KATNAL2: variants seen among roughly 807,000 people sequenced by gnomAD.
The protein encoded by KATNAL2 is katanin p60 ATPase-containing subunit A-like 2.
In KATNAL2, 52 loss-of-function variants were observed where a neutral mutation model predicts 76.3. That is an observed-to-expected ratio of 0.68 (90% CI 0.55 to 0.86). The LOEUF is 0.86. KATNAL2 is among the 40% of genes least tolerant of loss of function. The pLI, the probability that KATNAL2 is intolerant of heterozygous loss-of-function variation, is 0.00. For missense variants in KATNAL2, 660 were observed against 668.9 expected (o/e 0.99, Z 0.15); for synonymous variants, 243 against 244.2 (o/e 1.00, Z 0.05).
At chr18:47,052,774 T>A (rs913933756) in intron 4 of KATNAL2, 106 bp from the exon 5 acceptor site, 23 of 846,074 alleles carry the variant, frequency 2.7e-5, no homozygotes, top group Non-Finnish European at 3.5e-5. Flanking sequence ...ATGTGCTATA[T>A]ATAGGCTTAC....
At chr18:46,961,339 C>T (rs2059942377) in intron 3 of KATNAL2, among the ~76,000 whole-genome samples, 1 of 152,168 alleles carries the variant, frequency 6.6e-6, no homozygotes, top group Non-Finnish European at 1.5e-5. Context: ...CCTCATTTCC[C>T]CTGTAGAGAA....
chr18:46,920,235 G>C, intron 1 of KATNAL2: 1 of 457,370 alleles, frequency 2.2e-6, no homozygotes, highest in South Asian at 1.6e-5. Context: ...ATCACAACTG[G>C]GCATATAAAT....
intron 1 of KATNAL2, among the ~76,000 whole-genome samples, chr18:46,931,365 A>G (rs1285618282): frequency 6.6e-6 from 1 of 151,886 alleles, no homozygotes; most frequent in East Asian, 1.9e-4. Flanking sequence ...TTCAAAATTT[A>G]AAAAGGCAGG....
intron 1 of KATNAL2, among the ~76,000 whole-genome samples, chr18:46,920,847 G>A (rs2058498554): frequency 6.6e-6 from 1 of 152,110 alleles, no homozygotes; most frequent in Non-Finnish European, 1.5e-5. Context: ...AAGGGGAGTG[G>A]AGAAGGAGGG....
intron 3 of KATNAL2, among the ~76,000 whole-genome samples, chr18:46,954,033 G>A (rs2059647760): frequency 1.3e-5 from 2 of 152,042 alleles, no homozygotes. Flanking sequence ...AGCAGGGAAT[G>A]GAAGGTGGGG....
At chr18:47,041,540 C>A (rs1202775453) in intron 3 of KATNAL2, among the ~76,000 whole-genome samples, 1 of 152,150 alleles carries the variant, frequency 6.6e-6, no homozygotes, top group African/African-American at 2.4e-5. Context: ...TAGCTCATTT[C>A]TTTTAGCTCT....
chr18:46,956,366 G>C (rs920906456), intron 3 of KATNAL2, among the ~76,000 whole-genome samples: 4 of 152,092 alleles, frequency 2.6e-5, no homozygotes, highest in African/African-American at 4.8e-5. Context: ...TTTTAGAAAG[G>C]CCATTTTCTC....
intron 6 of KATNAL2, among the ~76,000 whole-genome samples, chr18:47,056,237 C>T (rs1424722881): frequency 6.6e-6 from 1 of 152,208 alleles, no homozygotes; most frequent in East Asian, 1.9e-4. Context: ...ACAAGAGTTA[C>T]AACAAATAGC....
intron 15 of KATNAL2, among the ~76,000 whole-genome samples, chr18:47,097,489 T>C (rs1027284742): frequency 6.6e-5 from 10 of 152,284 alleles, no homozygotes; most frequent in African/African-American, 2.2e-4. Flanking sequence ...CTTTTAGAAC[T>C]TCCCTCTTAG....
chr18:47,050,747 A>G (rs1286670112), intron 4 of KATNAL2, among the ~76,000 whole-genome samples: 1 of 152,242 alleles, frequency 6.6e-6, no homozygotes, highest in Admixed American at 6.5e-5. Context: ...AAGTTCTACA[A>G]ATTCAGCAGA....
intron 11 of KATNAL2, among the ~76,000 whole-genome samples, 167 bp from the exon 12 acceptor site, chr18:47,069,053 T>C (rs140201202): frequency 1.3e-5 from 2 of 152,136 alleles, no homozygotes; most frequent in Non-Finnish European, 2.9e-5. Flanking sequence ...TTGGGATGAA[T>C]AAGATCTGTT....
At chr18:47,075,952 TTC>T (rs2062198667) in intron 14 of KATNAL2, among the ~76,000 whole-genome samples, 1 of 152,236 alleles carries the variant, frequency 6.6e-6, no homozygotes, top group African/African-American at 2.4e-5. Context: ...GTAATAAGCC[TTC>T]TGTTTGTGCT....
intron 3 of KATNAL2, among the ~76,000 whole-genome samples, chr18:47,039,783 G>A (rs920305395): frequency 4.6e-5 from 7 of 152,160 alleles, no homozygotes; most frequent in Non-Finnish European, 5.9e-5. Flanking sequence ...ATGCATGTAC[G>A]AAGCAACTAA....
Position 47,059,715 on chromosome 18 carries a change from A to G in KATNAL2, c.549+61A>G, listed in dbSNP as rs1290226707. 5 of 1,144,752 alleles carry G rather than the reference A, an allele frequency of 4.4e-6. No homozygotes were observed. In the Admixed American group the frequency reaches 8.9e-5, roughly 20 times the overall value. The allele number at this position is 1,144,752 out of a possible 1,614,324, so 70.9% of individuals were successfully genotyped here. Reference sequence around the variant, plus strand: ...TAATTTCTTTTTCCTTTTAAACATGAAAACAAAAAACATTATTTTTGTCAA... The same window carrying G: ...TAATTTCTTTTTCCTTTTAAACATGGAAACAAAAAACATTATTTTTGTCAA... On this transcript the variant is annotated intron_variant, in intron 8 of 17. Coordinates refer to ENST00000683218, the MANE Select transcript of KATNAL2 (RefSeq NM_001387690.1).
intron 4 of KATNAL2, among the ~76,000 whole-genome samples, chr18:47,049,035 C>T (rs1159608267): frequency 6.6e-6 from 1 of 152,004 alleles, no homozygotes; most frequent in African/African-American, 2.4e-5. Flanking sequence ...CGGGGTTTCA[C>T]CGTGGTCTCG....
chr18:46,946,775 A>G, intron 2 of KATNAL2, 79 bp from the exon 3 acceptor site: 1 of 1,322,004 alleles, frequency 7.6e-7, no homozygotes, highest in Non-Finnish European at 1.0e-6. Flanking sequence ...CAATCCGGAA[A>G]GGGGCGGGCT....
Position 47,101,626 on chromosome 18 carries a change from T to C in KATNAL2, c.*621T>C, listed in dbSNP as rs573374662. On this transcript the variant is annotated 3_prime_UTR_variant, in exon 18 of 18. Coordinates refer to ENST00000683218, the MANE Select transcript of KATNAL2 (RefSeq NM_001387690.1). ...TGCTAGAGCTAATAGCCAGGGTGACTAGCACACCATCACCATCAGCTGCCA... is the reference window on the plus strand; with the variant it reads ...TGCTAGAGCTAATAGCCAGGGTGACCAGCACACCATCACCATCAGCTGCCA... The C allele has an allele frequency of 6.5e-6, 1 of 153,616 alleles. No homozygotes were observed. The highest frequency in any genetic ancestry group is 1.9e-4 in the East Asian group (1 of 5,238). The allele number at this position is 153,616 out of a possible 1,614,324, so 9.5% of individuals were successfully genotyped here. A position where few individuals can be genotyped will look rare whatever the true frequency, so the allele number is the denominator to read the frequency against.
chr18:47,090,612 T>C (rs926251594), intron 15 of KATNAL2, among the ~76,000 whole-genome samples: 11 of 152,248 alleles, frequency 7.2e-5, no homozygotes, highest in East Asian at 5.8e-4. Flanking sequence ...AATAAAAATA[T>C]ACAAGGGAAA....
chr18:47,034,983 A>C (rs916430969), intron 3 of KATNAL2: 5 of 1,611,424 alleles, frequency 3.1e-6, no homozygotes, highest in South Asian at 1.1e-5. Flanking sequence ...GCTGTCGGGA[A>C]GCGCTCTCCT....
Sources: allele counts gnomAD v4.1 joint callset (sites outside exome capture counted in the v4.1 genomes callset), GRCh38; gene constraint gnomAD v4.1.1; transcripts MANE v1.5; gene names NCBI Gene and HGNC (gene_info 2026-07-23, HGNC 2026-07-21).